RAPGEF6: variants seen among roughly 807,000 people sequenced by gnomAD.
The protein encoded by RAPGEF6 is Rap guanine nucleotide exchange factor 6, also known as PDZ domain containing guanine nucleotide exchange factor (GEF) 2.
A neutral mutation model predicts 171.4 loss-of-function variants in RAPGEF6; 56 were observed. That is an observed-to-expected ratio of 0.33 (90% CI 0.26 to 0.41). The LOEUF (loss-of-function observed/expected upper bound fraction) is 0.41. Among genes scored for constraint, RAPGEF6 ranks in the 10% least tolerant of loss-of-function variants. The pLI, the probability that RAPGEF6 is intolerant of heterozygous loss-of-function variation, is 1.00. For missense variants in RAPGEF6, 1,674 were observed against 1,921.4 expected (o/e 0.87, Z 2.41); for synonymous variants, 692 against 650.1 (o/e 1.06, Z -0.98).
intron 25 of RAPGEF6, among the ~76,000 whole-genome samples, chr5:131,432,169 T>C (rs1751747496): frequency 6.6e-6 from 1 of 152,128 alleles, no homozygotes; most frequent in Admixed American, 6.5e-5. Flanking sequence ...CAGAAGAATT[T>C]GTGACAGAGA....
chr5:131,428,892 G>A lies in RAPGEF6; in HGVS notation c.4780+10C>T, dbSNP rs1751527607. The A allele has an allele frequency of 3.7e-6, 6 of 1,608,944 alleles. No individual in the cohort carries two copies. The South Asian group carries it at 5.5e-5, about 15-fold the overall frequency. On this transcript the variant is annotated intron_variant, in intron 27 of 27. Coordinates refer to ENST00000509018, the MANE Select transcript of RAPGEF6 (RefSeq NM_016340.6). ...CATTTAAGAGCCTTTAAGAGAGCTT[G>A]TCAACATACCATCTGCTTCGCTATC... is the stretch of plus-strand genomic sequence containing the variant.
chr5:131,461,953 G>C lies in RAPGEF6; in HGVS notation c.2616C>G (p.Asp872Glu), dbSNP rs534349097. The change falls in exon 19 of 28, where the codon GAC (aspartate) becomes GAG (glutamate). Residue 872 changes from aspartate (D) to glutamate (E), a missense_variant. Coordinates refer to ENST00000509018, the MANE Select transcript of RAPGEF6 (RefSeq NM_016340.6). ...IEVATQLSMR[D>E]FDLFRNIEPT... is the part of the protein sequence containing the mutation. ...GTTCAATATTACGAAACAAATCAAA[G>C]TCCCTCATTGACAGCTGGGTGGCCA... 1.2e-6 allele frequency: 2 copies of C among 1,614,064 alleles called. No homozygotes were observed. Among genetic ancestry groups the C allele is most frequent in the African/African-American group, 2.7e-5 (2 of 75,014 alleles).
At chr5:131,453,419 T>C (rs182630762) in intron 20 of RAPGEF6, among the ~76,000 whole-genome samples, 11 of 152,236 alleles carry the variant, frequency 7.2e-5, no homozygotes, top group Middle Eastern at 3.4e-3. Context: ...AAACTGTGCA[T>C]GGCTTCTAAA....
intron 6 of RAPGEF6, among the ~76,000 whole-genome samples, chr5:131,524,574 G>A (rs139176178): frequency 5.5e-5 from 8 of 145,208 alleles, no homozygotes; most frequent in African/African-American, 1.5e-4. Flanking sequence ...AGGGAGAGGA[G>A]GAGAGAGAGG....
intron 15 of RAPGEF6, 70 bp downstream of exon 15, chr5:131,489,476 C>T (rs1756137440): frequency 8.4e-6 from 7 of 831,382 alleles, no homozygotes; most frequent in Non-Finnish European, 1.3e-5. Flanking sequence ...ATCTTTTCTT[C>T]CACTGTAATG....
chr5:131,554,665 G>A (rs147117425), intron 5 of RAPGEF6, among the ~76,000 whole-genome samples: 1,990 of 152,096 alleles, frequency 0.013, 12 homozygotes, highest in Non-Finnish European at 0.022. Flanking sequence ...GATTAGAGGC[G>A]CCTACCACAC....
At chr5:131,627,591 T>C (rs1330075074) in intron 1 of RAPGEF6, among the ~76,000 whole-genome samples, 1 of 152,208 alleles carries the variant, frequency 6.6e-6, no homozygotes, top group Non-Finnish European at 1.5e-5. Context: ...TAAATGTGGA[T>C]TGAGCTGAGA....
chr5:131,452,113 A>T (rs1045600633), intron 21 of RAPGEF6, among the ~76,000 whole-genome samples: 1 of 151,812 alleles, frequency 6.6e-6, no homozygotes, highest in East Asian at 1.9e-4. Context: ...CCAGCTACTC[A>T]GGAGGCTGAG....
At chr5:131,463,875 A>C in intron 18 of RAPGEF6, 166 bp downstream of exon 18, 1 of 1,357,434 alleles carries the variant, frequency 7.4e-7, no homozygotes, top group Non-Finnish European at 9.5e-7. Flanking sequence ...CAGTGGTTCT[A>C]AGAGTTTATT....
At chr5:131,595,659 C>A (rs558117212) in intron 3 of RAPGEF6, among the ~76,000 whole-genome samples, 4 of 151,270 alleles carry the variant, frequency 2.6e-5, no homozygotes, top group East Asian at 3.9e-4. Flanking sequence ...AAGAAGGCTA[C>A]AGAAAAAAAA....
intron 16 of RAPGEF6, among the ~76,000 whole-genome samples, chr5:131,473,868 A>C (rs1464967125): frequency 2.0e-5 from 3 of 152,238 alleles, no homozygotes; most frequent in Non-Finnish European, 2.9e-5. Flanking sequence ...TAATAGTCAG[A>C]CATGAAAGAG....
intron 21 of RAPGEF6, among the ~76,000 whole-genome samples, chr5:131,448,933 C>T (rs1214907674): frequency 2.6e-5 from 4 of 152,052 alleles, no homozygotes; most frequent in Non-Finnish European, 4.4e-5. Flanking sequence ...GAAGAAAACA[C>T]ATGGGAAACA....
intron 16 of RAPGEF6, among the ~76,000 whole-genome samples, chr5:131,477,726 CTTTAGATGA>C (rs969271335): frequency 6.6e-6 from 1 of 152,140 alleles, no homozygotes; most frequent in Non-Finnish European, 1.5e-5. Context: ...TCTTGTCTGT[CTTTAGATGA>C]TACATGTCAC....
At chr5:131,602,452 T>C (rs540574638) in intron 3 of RAPGEF6, among the ~76,000 whole-genome samples, 3 of 152,156 alleles carry the variant, frequency 2.0e-5, no homozygotes, top group Non-Finnish European at 4.4e-5. Flanking sequence ...GAAACTGTAT[T>C]ATTTATAATA....
chr5:131,506,982 G>A (rs933487161), intron 9 of RAPGEF6, among the ~76,000 whole-genome samples: 3 of 151,192 alleles, frequency 2.0e-5, no homozygotes, highest in African/African-American at 2.4e-5. Flanking sequence ...TCTAGGATAC[G>A]GGGAGAAAAT....
At position 131,446,475 on chromosome 5, in the gene RAPGEF6, G is replaced by C; in HGVS notation, c.3421+8C>G. The C allele has an allele frequency of 6.2e-7, 1 of 1,605,536 alleles. No individual in the cohort carries two copies. ...TTTAGCGTCACATAAATGAAAACTT[G>C]TACTCACAGGTACCATATGCAGGCT... On this transcript the variant is annotated splice_region_variant and intron_variant, in intron 22 of 27. Transcript: ENST00000509018.
chr5:131,477,203 A>G (rs903174149), intron 16 of RAPGEF6, among the ~76,000 whole-genome samples: 1 of 152,234 alleles, frequency 6.6e-6, no homozygotes, highest in African/African-American at 2.4e-5. Flanking sequence ...CAAAAAGGCC[A>G]GTCTGATAGG....
Position 131,505,464 on chromosome 5 carries a change from T to C in RAPGEF6, c.1001A>G (p.Lys334Arg), listed in dbSNP as rs1028543401. Residue 334 changes from lysine to arginine, a missense_variant, in exon 10 of 28, where the codon AAA becomes AGA. Lys to Arg is a conservative substitution (Grantham distance 26, BLOSUM62 2). This residue lies in a region of RAPGEF6 where 1,116 missense variants were observed against 1,321.5 expected (regional missense o/e 0.84). Coordinates refer to ENST00000509018, the MANE Select transcript of RAPGEF6 (RefSeq NM_016340.6). The part of the protein sequence containing the change: ...GTVEISHPDG[K>R]VENLFMGNSF... ...ATTTCCCATAAACAAATTTTCAACT[T>C]TTCCATCTGGATGACTGATTTCCAC... 4.3e-6 allele frequency: 7 copies of C among 1,613,538 alleles called. No individual in the cohort carries two copies. The African/African-American group carries it at 6.7e-5, about 15-fold the overall frequency.
At chr5:131,600,200 GTTCT>G (rs1764145235) in intron 3 of RAPGEF6, among the ~76,000 whole-genome samples, 1 of 152,122 alleles carries the variant, frequency 6.6e-6, no homozygotes, top group South Asian at 2.1e-4. Flanking sequence ...TATGAAAATA[GTTCT>G]TTCTCATAAA....
Sources: gnomAD v4.1 joint callset for allele counts (sites outside exome capture counted in the v4.1 genomes callset) on GRCh38, gnomAD v4.1.1 for gene constraint, gnomAD v4.1.1 regional missense constraint, MANE v1.5 for transcripts, NCBI Gene and HGNC (gene_info 2026-07-23, HGNC 2026-07-21) for gene names.